The following ADAMTS3 variants were observed in gnomAD, a reference collection of about 807,000 sequenced individuals.
ADAMTS3 encodes A disintegrin and metalloproteinase with thrombospondin motifs 3.
ADAMTS3 carries 73 observed loss-of-function variants against 129.0 expected under a neutral mutation model. The observed-to-expected ratio is 0.57, with a 90% CI of 0.47 to 0.69. The LOEUF is 0.69. ADAMTS3 is among the 30% of genes least tolerant of loss of function. The probability of loss-of-function intolerance (pLI) is 0.00; values close to 1 mark genes in which losing one functional copy is unlikely to be tolerated. For synonymous variants in ADAMTS3, 477 were observed against 510.8 expected, an observed-to-expected ratio of 0.93 and a Z score of 0.89; for missense variants, 1,457 against 1,514.5, an observed-to-expected ratio of 0.96 and a Z score of 0.63.
intron 19 of ADAMTS3, among the ~76,000 whole-genome samples, chr4:72,292,073 C>T (rs1313351237): frequency 6.6e-6 from 1 of 152,206 alleles, no homozygotes; most frequent in Non-Finnish European, 1.5e-5. Context: ...CTCTCAGTTA[C>T]ATTGCCTAAT....
intron 3 of ADAMTS3, among the ~76,000 whole-genome samples, chr4:72,461,670 A>C (rs1264986329): frequency 6.6e-6 from 1 of 151,888 alleles, no homozygotes. Context: ...TTATTAAAAC[A>C]AATCTAATCT....
intron 2 of ADAMTS3, among the ~76,000 whole-genome samples, chr4:72,556,319 G>A (rs1721765954): frequency 1.3e-5 from 2 of 151,694 alleles, no homozygotes; most frequent in South Asian, 2.1e-4. Flanking sequence ...ACTTGAAACA[G>A]ATATCTTGGT....
At chr4:72,554,439 C>T (rs562864088) in intron 2 of ADAMTS3, among the ~76,000 whole-genome samples, 1 of 152,208 alleles carries the variant, frequency 6.6e-6, no homozygotes, top group Admixed American at 6.5e-5. Flanking sequence ...ATAACCTGAA[C>T]GGCTCTGTTC....
intron 3 of ADAMTS3, among the ~76,000 whole-genome samples, chr4:72,515,166 G>C (rs545666946): frequency 3.3e-4 from 50 of 152,194 alleles, no homozygotes; most frequent in East Asian, 9.7e-4. Context: ...GACATGAACT[G>C]ATCCTTTTTT....
chr4:72,294,906 T>A (rs1255552074), intron 19 of ADAMTS3, among the ~76,000 whole-genome samples: 6 of 151,916 alleles, frequency 3.9e-5, no homozygotes, highest in Admixed American at 6.6e-5. Flanking sequence ...AAGGAAACCC[T>A]AGGATGAAAG....
At chr4:72,388,220 G>A (rs116136872) in intron 4 of ADAMTS3, among the ~76,000 whole-genome samples, 136 of 152,312 alleles carry the variant, frequency 8.9e-4, no homozygotes, top group African/African-American at 3.2e-3. Flanking sequence ...GCAAAAGGCT[G>A]GTGCTCCCAA....
chr4:72,405,894 A>G (rs902658174), intron 4 of ADAMTS3, among the ~76,000 whole-genome samples: 3 of 152,184 alleles, frequency 2.0e-5, no homozygotes, highest in Non-Finnish European at 4.4e-5. Context: ...AGGCTAAAAT[A>G]TGCAAATCAT....
intron 4 of ADAMTS3, among the ~76,000 whole-genome samples, chr4:72,356,264 G>T (rs1720579300): frequency 6.6e-6 from 1 of 151,638 alleles, no homozygotes; most frequent in African/African-American, 2.4e-5. Context: ...TAACAGTATT[G>T]GAAGTGATAA....
At chr4:72,545,058 ATAT>A (rs1402308648) in intron 3 of ADAMTS3, among the ~76,000 whole-genome samples, 2 of 152,154 alleles carry the variant, frequency 1.3e-5, no homozygotes, top group African/African-American at 4.8e-5. Flanking sequence ...ATTATTAAAA[ATAT>A]TATTTAAATT....
At chr4:72,450,744 G>A (rs368651572) in intron 3 of ADAMTS3, among the ~76,000 whole-genome samples, 4 of 151,426 alleles carry the variant, frequency 2.6e-5, no homozygotes, top group South Asian at 2.1e-4. Flanking sequence ...ATTTCCAGCC[G>A]GGTGCCTTGT....
chr4:72,308,081 AG>A (rs566634299), intron 15 of ADAMTS3, among the ~76,000 whole-genome samples: 153 of 152,132 alleles, frequency 1.0e-3, no homozygotes, highest in African/African-American at 3.6e-3. Context: ...TACATCCAAA[AG>A]AAAAGAATAA....
At chr4:72,496,917 A>T (rs936001586) in intron 3 of ADAMTS3, among the ~76,000 whole-genome samples, 17 of 152,158 alleles carry the variant, frequency 1.1e-4, no homozygotes, top group African/African-American at 4.1e-4. Context: ...CTCCATTTTG[A>T]TACCATATTT....
chr4:72,336,273 C>A (rs75308828), intron 5 of ADAMTS3, among the ~76,000 whole-genome samples: 6,891 of 152,238 alleles, frequency 0.045, 516 homozygotes, highest in African/African-American at 0.16. Flanking sequence ...TACAGTTTCT[C>A]TCCAGGACCC....
chr4:72,387,179 T>C (rs1360160532), intron 4 of ADAMTS3, among the ~76,000 whole-genome samples: 2 of 152,236 alleles, frequency 1.3e-5, no homozygotes, highest in Admixed American at 1.3e-4. Context: ...TGTTAGCTGA[T>C]GTAATTAGAT....
intron 3 of ADAMTS3, among the ~76,000 whole-genome samples, chr4:72,470,374 TATAC>T (rs1243224698): frequency 3.6e-4 from 52 of 144,092 alleles, no homozygotes; most frequent in Middle Eastern, 3.5e-3. Flanking sequence ...TATATATATA[TATAC>T]ACACACACAC....
At chr4:72,498,415 A>G (rs1039194616) in intron 3 of ADAMTS3, among the ~76,000 whole-genome samples, 2 of 152,040 alleles carry the variant, frequency 1.3e-5, no homozygotes, top group Non-Finnish European at 2.9e-5. Flanking sequence ...TCATAAAAAG[A>G]GTTTTACTAG....
chr4:72,313,601 C>G, intron 12 of ADAMTS3, 76 bp downstream of exon 12: 2 of 1,477,684 alleles, frequency 1.4e-6, no homozygotes, highest in Non-Finnish European at 1.8e-6. Context: ...CTTTATAAAA[C>G]AGAATACTAA....
At chr4:72,526,315 T>G (rs746777398) in intron 3 of ADAMTS3, among the ~76,000 whole-genome samples, 1 of 152,128 alleles carries the variant, frequency 6.6e-6, no homozygotes, top group Non-Finnish European at 1.5e-5. Flanking sequence ...CTGTGTAAGA[T>G]TTTCACTAGC....
In ADAMTS3 at chr4:72,283,530, T is replaced by C; in HGVS notation, c.3224A>G (p.Asn1075Ser). ...TAGAGATCTAGGGAGGTCACTAGGG[T>C]TAGAGATGACATCATCATGAGTTTC... ...AAETHDDVIS[N>S]PSDLPRSLVM... The change falls in exon 22 of 22, where the codon AAC becomes AGC. Residue 1075 changes from asparagine (N) to serine (S), a missense_variant. Asn to Ser is a conservative substitution (Grantham distance 46). Transcript: ENST00000286657. 1 of 1,613,994 alleles carries C rather than the reference T, an allele frequency of 6.2e-7. No homozygotes were observed. Among genetic ancestry groups the C allele is most frequent in the Non-Finnish European group, 8.5e-7 (1 of 1,179,966 alleles).
Sources: allele counts gnomAD v4.1 joint callset (sites outside exome capture counted in the v4.1 genomes callset), GRCh38; gene constraint gnomAD v4.1.1; transcripts MANE v1.5; gene names NCBI Gene and HGNC (gene_info 2026-07-23, HGNC 2026-07-21).